Variants in ADGRE1 observed in about 807,000 individuals in gnomAD.
ADGRE1 encodes EGF-like module receptor 1.
ADGRE1 carries 82 observed loss-of-function variants against 102.7 expected under a neutral mutation model. That is an observed-to-expected ratio of 0.80 (90% CI 0.67 to 0.96). The LOEUF is 0.96. Ranked by LOEUF, ADGRE1 falls within the 40% of genes least tolerant of loss-of-function variation. The probability of loss-of-function intolerance (pLI) is 0.00; values close to 1 mark genes in which losing one functional copy is unlikely to be tolerated. For synonymous variants in ADGRE1, 398 were observed against 399.6 expected (o/e 1.00, Z 0.05); for missense variants, 1,032 against 1,085.3 (o/e 0.95, Z 0.69).
chr19:6,911,724 C>G (rs994461591), intron 10 of ADGRE1, among the ~76,000 whole-genome samples: 5 of 151,526 alleles, frequency 3.3e-5, no homozygotes, highest in African/African-American at 1.2e-4. Flanking sequence ...TACACCTCCC[C>G]CACATGCACA....
chr19:6,934,973 G>C lies in ADGRE1; in HGVS notation c.2290-14G>C. On this transcript the variant is annotated splice_polypyrimidine_tract_variant and intron_variant, in intron 17 of 20. Coordinates refer to ENST00000312053, the MANE Select transcript of ADGRE1 (RefSeq NM_001974.5). ...GTATATCCAGTCTCTCCATCCTTCTGCTTGACTTTGCAGATCAACTCCCTT... is the reference window on the plus strand; with the variant it reads ...GTATATCCAGTCTCTCCATCCTTCTCCTTGACTTTGCAGATCAACTCCCTT... 6.4e-7 allele frequency: 1 copy of C among 1,559,490 alleles called. No individual in the cohort carries two copies. The highest frequency in any genetic ancestry group is 8.7e-7 in the Non-Finnish European group (1 of 1,150,252).
chr19:6,905,429 T>C (rs2546137), intron 8 of ADGRE1, among the ~76,000 whole-genome samples: 55,561 of 150,720 alleles, frequency 0.37, 12,041 homozygotes, highest in African/African-American at 0.6. Flanking sequence ...CTCAGCTCAC[T>C]GCAACCTCCA....
rs201125339 is a variant in ADGRE1, at chr19:6,903,875, T to G, written c.727T>G (p.Phe243Val). 9.3e-6 allele frequency: 15 copies of G among 1,614,206 alleles called. No homozygotes were observed. The highest frequency in any genetic ancestry group is 1.3e-5 in the Non-Finnish European group (15 of 1,180,036). Residue 243 changes from phenylalanine (F) to valine (V), a missense_variant, in exon 7 of 21, where the codon TTT (phenylalanine) becomes GTT (valine). Physicochemically the swap from Phe to Val is conservative, Grantham distance 50. Transcript: ENST00000312053. ...STCTNTPGSY[F>V]CTCHPGFAPS... The stretch of plus-strand genomic sequence containing the variant: ...ATGCACCAACACTCCTGGGAGCTAC[T>G]TTTGCACCTGCCACCCTGGCTTTGC...
At chr19:6,924,365 A>G (rs923195935) in intron 14 of ADGRE1, among the ~76,000 whole-genome samples, 3 of 152,144 alleles carry the variant, frequency 2.0e-5, no homozygotes, top group Non-Finnish European at 4.4e-5. Flanking sequence ...ACCTTCACAG[A>G]TGTATCTCAC....
intron 14 of ADGRE1, among the ~76,000 whole-genome samples, chr19:6,923,524 C>CTTTCTT (rs747944144): frequency 2.0e-5 from 3 of 151,942 alleles, no homozygotes; most frequent in South Asian, 2.1e-4. Flanking sequence ...CAGTTTTTTT[C>CTTTCTT]TTTCTTTTTC....
At chr19:6,915,057 G>T (rs1342637479) in intron 11 of ADGRE1, among the ~76,000 whole-genome samples, 1 of 151,992 alleles carries the variant, frequency 6.6e-6, no homozygotes, top group East Asian at 1.9e-4. Context: ...CTAGGCTGGA[G>T]TGCAGTGGTG....
chr19:6,923,778 T>C (rs1349051552), intron 14 of ADGRE1, among the ~76,000 whole-genome samples: 1 of 151,496 alleles, frequency 6.6e-6, no homozygotes, highest in Non-Finnish European at 1.5e-5. Flanking sequence ...GCTCAGGTGA[T>C]CCACCCGCCC....
At chr19:6,894,320 TCA>T (rs1973476670) in intron 2 of ADGRE1, among the ~76,000 whole-genome samples, 1 of 152,094 alleles carries the variant, frequency 6.6e-6, no homozygotes, top group Admixed American at 6.6e-5. Context: ...CTTTTGAAGC[TCA>T]CAGTGTGGTG....
chr19:6,913,076 C>T (rs1161801629), intron 10 of ADGRE1, among the ~76,000 whole-genome samples: 1 of 152,116 alleles, frequency 6.6e-6, no homozygotes, highest in East Asian at 1.9e-4. Flanking sequence ...CTGGGACTAG[C>T]GTCATGCACC....
intron 5 of ADGRE1, chr19:6,897,806 A>G (rs1261003258): frequency 8.1e-6 from 2 of 246,230 alleles, no homozygotes; most frequent in Non-Finnish European, 7.7e-6. Flanking sequence ...TTAACAATCT[A>G]TATCTTTTAA....
At position 6,926,369 on chromosome 19, in the gene ADGRE1, G is replaced by C; in HGVS notation, c.1990G>C (p.Gly664Arg). ...AGIHKTDNKM[G>R]CAIIAGFLHY... ...TGCGCATGCTTCTCCCCTCCAGATGGGCTGCGCCATCATCGCGGGCTTCCT... is the reference window on the plus strand; with the variant it reads ...TGCGCATGCTTCTCCCCTCCAGATGCGCTGCGCCATCATCGCGGGCTTCCT... The change falls in exon 16 of 21, where the codon GGC (glycine) becomes CGC (arginine). Residue 664 changes from glycine to arginine, a missense_variant. Transcript: ENST00000312053. 1 of 1,613,886 alleles carries C rather than the reference G, an allele frequency of 6.2e-7. No individual in the cohort carries two copies. The highest frequency in any genetic ancestry group is 1.7e-5 in the Admixed American group (1 of 60,014).
intron 11 of ADGRE1, among the ~76,000 whole-genome samples, chr19:6,915,530 C>T (rs951240368): frequency 3.3e-5 from 5 of 152,146 alleles, no homozygotes; most frequent in Admixed American, 3.3e-4. Flanking sequence ...CGTGGCAGAG[C>T]TGGACCTCCC....
At chr19:6,936,906 C>T (rs1975434299) in intron 18 of ADGRE1, among the ~76,000 whole-genome samples, 1 of 151,714 alleles carries the variant, frequency 6.6e-6, no homozygotes, top group African/African-American at 2.4e-5. Context: ...TACAAGCACC[C>T]ACCACCACAC....
chr19:6,914,360 A>G (rs1974303237), intron 11 of ADGRE1, among the ~76,000 whole-genome samples: 1 of 152,252 alleles, frequency 6.6e-6, no homozygotes, highest in African/African-American at 2.4e-5. Flanking sequence ...GTCAATTTAC[A>G]ATAGACCCAA....
chr19:6,904,415 A>G (rs955688214), intron 8 of ADGRE1, among the ~76,000 whole-genome samples: 4 of 152,144 alleles, frequency 2.6e-5, no homozygotes, highest in African/African-American at 4.8e-5. Flanking sequence ...CCTGAATATC[A>G]TAGGCATGCT....
intron 13 of ADGRE1, among the ~76,000 whole-genome samples, chr19:6,921,150 G>T (rs189772900): frequency 3.4e-4 from 52 of 152,254 alleles, no homozygotes; most frequent in South Asian, 4.2e-4. Flanking sequence ...GCTGGATATG[G>T]TGACACACAC....
intron 2 of ADGRE1, among the ~76,000 whole-genome samples, chr19:6,894,075 C>A (rs1973469768): frequency 6.6e-6 from 1 of 152,150 alleles, no homozygotes; most frequent in South Asian, 2.1e-4. Context: ...ACATTCATTG[C>A]CCCTGGATGA....
rs114026029 is a variant in ADGRE1 at position 6,930,931 on chromosome 19, G to A, written c.2289+2720G>A. ...TGGGATTACAGGCATGAGCCACTGT[G>A]TCCAGCCTCTCCTGGTTATTTTTAA... is the stretch of plus-strand genomic sequence containing the variant. On this transcript the variant is annotated intron_variant, in intron 17 of 20. Coordinates refer to ENST00000312053, the MANE Select transcript of ADGRE1 (RefSeq NM_001974.5). 7.6e-3 allele frequency among the ~76,000 whole-genome samples: 1,151 copies of A among 152,080 alleles called. 20 individuals carry two copies. The highest frequency in any genetic ancestry group is 0.026 in the African/African-American group (1,090 of 41,498).
chr19:6,896,990 C>G (rs570461610), intron 3 of ADGRE1, among the ~76,000 whole-genome samples, 159 bp from the exon 4 acceptor site: 32 of 150,738 alleles, frequency 2.1e-4, no homozygotes, highest in Admixed American at 5.3e-4. Context: ...TGCTCAGATT[C>G]AAGATGGGGA....
Sources: gnomAD v4.1 joint callset for allele counts (sites outside exome capture counted in the v4.1 genomes callset) on GRCh38, gnomAD v4.1.1 for gene constraint, MANE v1.5 for transcripts, NCBI Gene and HGNC (gene_info 2026-07-23, HGNC 2026-07-21) for gene names.